Variants in TSPAN9 observed in about 807,000 individuals in gnomAD.
The protein encoded by TSPAN9 is tetraspanin-9.
TSPAN9 carries 16 observed loss-of-function variants against 31.0 expected under a neutral mutation model. The ratio of observed to expected loss-of-function variants is 0.52; its 90% CI spans 0.35 to 0.78. TSPAN9 has a LOEUF of 0.78. TSPAN9 is among the 30% of genes least tolerant of loss of function. The pLI is 0.01. For synonymous variants in TSPAN9, 145 were observed against 121.6 expected (o/e 1.19, Z -1.27); for missense variants, 272 against 312.5 (o/e 0.87, Z 0.98).
rs1426241959 is a variant in TSPAN9, at chr12:3,121,533, C to CGTTTTTTTTTTTTT, written c.-18+37814_-18+37815insGTTTTTTTTTTTTT. Among the ~76,000 whole-genome samples, 3 of 92,926 alleles carry CGTTTTTTTTTTTTT rather than the reference C, an allele frequency of 3.2e-5. 1 individual carries two copies. The highest frequency in any genetic ancestry group is 3.9e-5 in the Non-Finnish European group (2 of 50,784). 61.0% of individuals were successfully genotyped at this position (92,926 alleles called of 152,430 possible). ...TGCCACCATATCTGGCTAATTAAAACTTTTTTTTTTTTTTTTTTTTTTTTT... is the reference window on the plus strand; with the variant it reads ...TGCCACCATATCTGGCTAATTAAAACGTTTTTTTTTTTTTTTTTTTTTTTTTTTTTTTTTTTTTT... On this transcript the variant is annotated intron_variant, in intron 2 of 8. Coordinates refer to ENST00000011898, the MANE Select transcript of TSPAN9 (RefSeq NM_006675.5).
chr12:3,247,224 G>T (rs991030714), intron 3 of TSPAN9, among the ~76,000 whole-genome samples: 2 of 151,294 alleles, frequency 1.3e-5, no homozygotes, highest in African/African-American at 4.9e-5. Flanking sequence ...AAAGGCCCAT[G>T]AAACTTACTA....
rs144113775 is a variant in TSPAN9 at position 3,164,948 on chromosome 12, C to T, written c.-17-36229C>T. 2.6e-3 allele frequency among the ~76,000 whole-genome samples: 393 copies of T among 152,294 alleles called. 3 individuals are homozygous for T. Among genetic ancestry groups the T allele is most frequent in the African/African-American group, 8.7e-3 (361 of 41,556 alleles). On this transcript the variant is annotated intron_variant, in intron 2 of 8. Coordinates refer to ENST00000011898, the MANE Select transcript of TSPAN9 (RefSeq NM_006675.5). ...TGGACATTTCAGAGCCTTGAACGTG[C>T]GGGCTTCTCAGGTCCCTTCAAGCCC...
chr12:3,095,025 C>A (rs1481250237), intron 2 of TSPAN9, among the ~76,000 whole-genome samples: 1 of 99,970 alleles, frequency 1.0e-5, no homozygotes, highest in Non-Finnish European at 1.9e-5. Flanking sequence ...CGGCCTTCCG[C>A]AGTGTTTGTG....
At chr12:3,095,299 T>C (rs903880278) in intron 2 of TSPAN9, among the ~76,000 whole-genome samples, 1 of 147,670 alleles carries the variant, frequency 6.8e-6, no homozygotes, top group Non-Finnish European at 1.5e-5. Context: ...AACCATCCGA[T>C]TTCTCAATCT....
chr12:3,201,789 G>A (rs372685360), intron 3 of TSPAN9, among the ~76,000 whole-genome samples: 1 of 152,358 alleles, frequency 6.6e-6, no homozygotes, highest in East Asian at 1.9e-4. Flanking sequence ...AGGAAAAAGA[G>A]GAGGAGCCCC....
chr12:3,119,033 C>T (rs1206865536), intron 2 of TSPAN9, among the ~76,000 whole-genome samples: 2 of 152,294 alleles, frequency 1.3e-5, no homozygotes, highest in South Asian at 2.1e-4. Flanking sequence ...CTTTGGGACA[C>T]TATCAGCAGA....
chr12:3,109,655 G>A (rs55908336), intron 2 of TSPAN9, among the ~76,000 whole-genome samples: 6 of 151,530 alleles, frequency 4.0e-5, no homozygotes, highest in African/African-American at 9.7e-5. Flanking sequence ...AAAATTAGCC[G>A]GGCATCGTGG....
Position 3,143,241 on chromosome 12 carries a change from A to G in TSPAN9, c.-17-57936A>G, listed in dbSNP as rs1400093794. ...ATAAAGTGGCCCCTTTTTCTTTATA[A>G]TTAATAATATTTATAGTTATATTAA... On this transcript the variant is annotated intron_variant, in intron 2 of 8. Transcript: ENST00000011898. This position sits in a 1 kb window ranked among gnomAD's most constrained non-coding sequence, Gnocchi z 4.2. Among the ~76,000 whole-genome samples the G allele has an allele frequency of 1.3e-5, 2 of 149,146 alleles. No individual in the cohort carries two copies. The highest frequency in any genetic ancestry group is 2.4e-5 in the African/African-American group (1 of 40,900).
intron 2 of TSPAN9, among the ~76,000 whole-genome samples, chr12:3,095,082 A>C (rs1320752125): frequency 3.1e-5 from 3 of 95,670 alleles, no homozygotes; most frequent in East Asian, 5.4e-4. Flanking sequence ...CTTAACGAGC[A>C]TGCTGCCTTC....
chr12:3,094,229 G>C (rs968282107), intron 2 of TSPAN9, among the ~76,000 whole-genome samples: 1 of 152,172 alleles, frequency 6.6e-6, no homozygotes, highest in African/African-American at 2.4e-5. Context: ...GCCGTGGCAG[G>C]AGATCAGCAT....
chr12:3,196,394 C>A (rs1038968517), intron 2 of TSPAN9, among the ~76,000 whole-genome samples: 6 of 152,164 alleles, frequency 3.9e-5, no homozygotes, highest in Non-Finnish European at 8.8e-5. Context: ...TCAGGTTCCC[C>A]GTTGTGCTTT....
Position 3,286,480 on chromosome 12 carries a change from C to T in TSPAN9, c.*3364C>T, listed in dbSNP as rs1263898790. On this transcript the variant is annotated 3_prime_UTR_variant, in exon 9 of 9. Coordinates refer to ENST00000011898, the MANE Select transcript of TSPAN9 (RefSeq NM_006675.5). The surrounding 1 kb of genome is among the most constrained non-coding windows in gnomAD (Gnocchi z 4.1). The stretch of plus-strand genomic sequence containing the variant: ...GCTTGCATTGCCGTATCTGTGCGTT[C>T]CTTCATCCTGGTCCTGGCTTTATGG... 1 of 152,560 alleles carries T rather than the reference C, an allele frequency of 6.6e-6. No individual in the cohort carries two copies. The highest frequency in any genetic ancestry group is 1.5e-5 in the Non-Finnish European group (1 of 68,048). The allele number at this position is 152,560 out of a possible 1,614,324, so 9.5% of individuals were successfully genotyped here.
chr12:3,200,497 G>A (rs192937817), intron 2 of TSPAN9: 1 of 152,374 alleles, frequency 6.6e-6, no homozygotes, highest in Non-Finnish European at 1.5e-5. Flanking sequence ...CTCAGCGCTG[G>A]GGCTGGGCTG....
At chr12:3,197,756 G>A (rs1170232740) in intron 2 of TSPAN9, among the ~76,000 whole-genome samples, 1 of 47,516 alleles carries the variant, frequency 2.1e-5, no homozygotes, top group African/African-American at 9.7e-5. Context: ...ACCAGCACAG[G>A]TCACCAGCAC....
At chr12:3,241,020 A>C (rs896920143) in intron 3 of TSPAN9, among the ~76,000 whole-genome samples, 18 of 152,192 alleles carry the variant, frequency 1.2e-4, no homozygotes, top group African/African-American at 3.9e-4. Context: ...CTACTACAGC[A>C]CTGGTTGGGT....
intron 3 of TSPAN9, among the ~76,000 whole-genome samples, chr12:3,235,000 A>G (rs2098392606): frequency 6.9e-6 from 1 of 144,286 alleles, no homozygotes; most frequent in African/African-American, 2.6e-5. Context: ...CTCTACTAAA[A>G]AAATACAAAA....
Position 3,265,965 on chromosome 12 carries a change from A to G in TSPAN9, c.64-12456A>G, listed in dbSNP as rs1399655501. Among the ~76,000 whole-genome samples, 4 of 151,894 alleles carry G rather than the reference A, an allele frequency of 2.6e-5. No homozygotes were observed. In the East Asian group the frequency reaches 7.7e-4, roughly 29 times the overall value. On this transcript the variant is annotated intron_variant, in intron 3 of 8. Transcript: ENST00000011898. Reference sequence around the variant, plus strand: ...GTATGGCATTTGTGGAAAGGGTGGGACTCAGTTCTTGGTGTGTGATACGGG... The same window carrying G: ...GTATGGCATTTGTGGAAAGGGTGGGGCTCAGTTCTTGGTGTGTGATACGGG...
intron 2 of TSPAN9, among the ~76,000 whole-genome samples, chr12:3,137,847 A>C (rs547225828): frequency 2.6e-5 from 4 of 152,118 alleles, no homozygotes; most frequent in Non-Finnish European, 4.4e-5. Context: ...GGATTTCTGC[A>C]TGCAGCTCTT....
At chr12:3,243,276 C>T (rs2153977332) in intron 3 of TSPAN9, among the ~76,000 whole-genome samples, 1 of 152,314 alleles carries the variant, frequency 6.6e-6, no homozygotes. Context: ...ACCATCGCAG[C>T]CACTGTATGT....
Sources: allele counts gnomAD v4.1 joint callset (sites outside exome capture counted in the v4.1 genomes callset), GRCh38; gene constraint gnomAD v4.1.1; non-coding constraint Gnocchi (gnomAD v3.1); transcripts MANE v1.5; gene names NCBI Gene and HGNC (gene_info 2026-07-23, HGNC 2026-07-21).